The following KCP variants were observed in gnomAD, a reference collection of about 807,000 sequenced individuals.
The protein encoded by KCP is kielin cysteine rich BMP regulator.
A neutral mutation model predicts 212.7 loss-of-function variants in KCP; 194 were observed. The observed-to-expected ratio is 0.91, with a 90% CI of 0.81 to 1.03. The LOEUF (loss-of-function observed/expected upper bound fraction) is 1.03, where lower values mean the gene tolerates loss of function less well. Among genes scored for constraint, KCP ranks in the 50% least tolerant of loss-of-function variants. KCP has a pLI of 0.00. For synonymous variants in KCP, 833 were observed against 865.3 expected (o/e 0.96, Z 0.65); for missense variants, 2,080 against 2,162.5 (o/e 0.96, Z 0.76).
Position 128,890,900 on chromosome 7 carries a change from G to A in KCP, c.2164+5C>T. 1 of 1,249,198 alleles carries A rather than the reference G, an allele frequency of 8.0e-7. No homozygotes were observed. The highest frequency in any genetic ancestry group is 1.0e-6 in the Non-Finnish European group (1 of 1,002,018). 77.4% of individuals were successfully genotyped at this position (1,249,198 alleles called of 1,614,324 possible). A position where few individuals can be genotyped will look rare whatever the true frequency, so the allele number is the denominator to read the frequency against. On this transcript the variant is annotated splice_donor_5th_base_variant and intron_variant, in intron 20 of 39. Coordinates refer to ENST00000610776, the MANE Select transcript of KCP (RefSeq NM_001366122.1). ...TGGCCGGGAGGGGCACCGCCAGGGC[G>A]TTACCGTCGCAGGAGGGGCAGCAAG...
At chr7:128,888,668 CCACACATACACA>C (rs1310406090) in intron 22 of KCP, among the ~76,000 whole-genome samples, 183 bp downstream of exon 22, 19 of 151,292 alleles carry the variant, frequency 1.3e-4, no homozygotes, top group African/African-American at 4.4e-4. Context: ...ACACACAGAG[CCACACATACACA>C]CACACATACA....
At position 128,892,576 on chromosome 7, in the gene KCP, C is replaced by T; in HGVS notation, c.1559G>A (p.Cys520Tyr). The change falls in exon 16 of 40, where the codon TGC becomes TAC. Residue 520 changes from cysteine (C) to tyrosine (Y), a missense_variant. By Grantham distance (194) the Cys-to-Tyr change is radical. Transcript: ENST00000610776. ...GGGCCTGGCACAGGTCGTGGGAGGG[C>T]AGTCAACCAAGGAGCATGTCACAGT... ...DGTVTCSLVD[C>Y]PPTTCARPQS... 1 of 1,550,474 alleles carries T rather than the reference C, an allele frequency of 6.4e-7. No individual in the cohort carries two copies. The highest frequency in any genetic ancestry group is 8.7e-7 in the Non-Finnish European group (1 of 1,146,242).
chr7:128,886,617 T>C, intron 25 of KCP, 38 bp downstream of exon 25: 1 of 1,550,622 alleles, frequency 6.4e-7, no homozygotes, highest in Non-Finnish European at 8.7e-7. Context: ...GGTGCTATGG[T>C]CCAGCTGTCA....
intron 5 of KCP, among the ~76,000 whole-genome samples, chr7:128,905,176 G>C (rs927823207): frequency 6.6e-6 from 1 of 151,874 alleles, no homozygotes; most frequent in African/African-American, 2.4e-5. Context: ...CTCTCGGAGG[G>C]GCTTCCAGAT....
At chr7:128,904,290 G>A (rs773870320) in intron 5 of KCP, 152 bp from the exon 6 acceptor site, 54 of 1,552,532 alleles carry the variant, frequency 3.5e-5, no homozygotes, top group South Asian at 8.3e-5. Context: ...TCACCGGGCC[G>A]GCAGATGGGG....
chr7:128,885,150 C>A lies in KCP; in HGVS notation c.2987G>T (p.Ser996Ile). 1 of 1,550,836 alleles carries A rather than the reference C, an allele frequency of 6.4e-7. No homozygotes were observed. The highest frequency in any genetic ancestry group is 8.7e-7 in the Non-Finnish European group (1 of 1,147,006). ...CCCTTGGCGGGGCTGGGCGCAAGAG[C>A]TGATGCACTGGATGCGTGCACAGGT... Reference protein sequence around the residue: ...VVTCARIQCISSCAQPRQGPH... With the variant: ...VVTCARIQCIISCAQPRQGPH... The change falls in exon 27 of 40, where the codon AGC becomes ATC. Residue 996 changes from serine (S) to isoleucine (I), a missense_variant. Physicochemically the swap from Ser to Ile is moderately radical, Grantham distance 142 (BLOSUM62 -2). Transcript: ENST00000610776.
chr7:128,888,228 A>G (rs1362498073), intron 22 of KCP, among the ~76,000 whole-genome samples: 1 of 150,560 alleles, frequency 6.6e-6, no homozygotes. Context: ...ACACACAGAT[A>G]CACAGACACA....
Position 128,890,338 on chromosome 7 carries a change from C to G in KCP, c.2335+5G>C. ...CCCGGCAGCTCCCTATCCCATGACC[C>G]TCACCATCACAGTCAGGGCAGCAGT... is the stretch of plus-strand genomic sequence containing the variant. On this transcript the variant is annotated splice_donor_5th_base_variant and intron_variant, in intron 21 of 39. Transcript: ENST00000610776. The G allele has an allele frequency of 1.3e-6, 2 of 1,551,594 alleles. No individual in the cohort carries two copies. The highest frequency in any genetic ancestry group is 1.7e-6 in the Non-Finnish European group (2 of 1,147,002).
At chr7:128,888,327 AAC>A (rs760342030) in intron 22 of KCP, among the ~76,000 whole-genome samples, 3,665 of 106,436 alleles carry the variant, frequency 0.034, 163 homozygotes, top group African/African-American at 0.13. Context: ...CACACAGAGC[AAC>A]ACACACACAC....
At position 128,881,635 on chromosome 7, in the gene KCP, C is replaced by G. The variant is rs371249023; in HGVS notation, c.3415G>C (p.Val1139Leu). The G allele has an allele frequency of 6.7e-7, 1 of 1,496,830 alleles. No homozygotes were observed. The highest frequency in any genetic ancestry group is 2.9e-5 in the Admixed American group (1 of 34,842). 92.7% of individuals were successfully genotyped at this position (1,496,830 alleles called of 1,614,324 possible). A position where few individuals can be genotyped will look rare whatever the true frequency, so the allele number is the denominator to read the frequency against. Residue 1139 changes from valine to leucine, a missense_variant, in exon 31 of 40, where the codon GTA (valine) becomes CTA (leucine). Physicochemically the swap from Val to Leu is conservative, Grantham distance 32. Coordinates refer to ENST00000610776, the MANE Select transcript of KCP (RefSeq NM_001366122.1). Reference sequence around the variant, plus strand: ...AAGGCTGGGCACTTACCCCGGCATACGGGGCAGCAGCTCCCAGGGGGAGTG... The same window carrying G: ...AAGGCTGGGCACTTACCCCGGCATAGGGGGCAGCAGCTCCCAGGGGGAGTG... ...RHTPPGSCCP[V>L]CRECVVEAEG...
Position 128,891,453 on chromosome 7 carries a change from G to A in KCP, c.1876C>T (p.Leu626=). 6.4e-7 allele frequency: 1 copy of A among 1,550,490 alleles called. No individual in the cohort carries two copies. The highest frequency in any genetic ancestry group is 1.2e-5 in the South Asian group (1 of 84,046). ...PSDPCRLCRC[L]SGNVQCLARR... is the part of the protein sequence containing the mutation. ...CTCCCACCCAGGTGCAGACTCACCAGACAGCGACACAGACGGCAGGGGTCA... is the reference window on the plus strand; with the variant it reads ...CTCCCACCCAGGTGCAGACTCACCAAACAGCGACACAGACGGCAGGGGTCA... The change falls in exon 18 of 40, where the codon CTG becomes TTG. Residue 626 remains leucine, a splice_region_variant and synonymous_variant. Transcript: ENST00000610776.
Position 128,908,539 on chromosome 7 carries a change from G to C in KCP, c.106C>G (p.Gln36Glu). 3.2e-6 allele frequency: 5 copies of C among 1,551,432 alleles called. No homozygotes were observed. Among genetic ancestry groups the C allele is most frequent in the Non-Finnish European group, 4.4e-6 (5 of 1,146,838 alleles). Residue 36 changes from glutamine (Q) to glutamate (E), a missense_variant, in exon 2 of 40, where the codon CAG becomes GAG. Gln to Glu is a conservative substitution (Grantham distance 29, BLOSUM62 2). Coordinates refer to ENST00000610776, the MANE Select transcript of KCP (RefSeq NM_001366122.1). ...ACTGAGGAATGGGCAGTTGTCTGCT[G>C]CCCAGGGGGCTCCCTGGGGACAGCC... ...GGAVPREPPGQQTTAHSSVLA... is the reference protein window; with the variant it reads ...GGAVPREPPGEQTTAHSSVLA...
chr7:128,886,310 T>C (rs576555108), intron 26 of KCP, among the ~76,000 whole-genome samples, 154 bp downstream of exon 26: 2 of 146,478 alleles, frequency 1.4e-5, no homozygotes, highest in African/African-American at 2.6e-5. Context: ...CAGGGAGAGG[T>C]AGGAGAAGCT....
At chr7:128,910,525 G>T in intron 1 of KCP, 76 bp downstream of exon 1, 1 of 1,334,218 alleles carries the variant, frequency 7.5e-7, no homozygotes, top group Non-Finnish European at 1.0e-6. Flanking sequence ...AGCCCCTCTC[G>T]GCCCCCTCAG....
In KCP at chr7:128,908,338, C is replaced by A. The variant is rs149868192; in HGVS notation, c.219+88G>T. 1.8e-4 allele frequency: 231 copies of A among 1,256,402 alleles called. 1 individual carries two copies. The African/African-American group carries it at 2.8e-3, about 15-fold the overall frequency. 77.8% of individuals were successfully genotyped at this position (1,256,402 alleles called of 1,614,324 possible). A position where few individuals can be genotyped will look rare whatever the true frequency, so the allele number is the denominator to read the frequency against. On this transcript the variant is annotated intron_variant, in intron 2 of 39. Transcript: ENST00000610776. ...GTTCAGATAAGAGCTCTATTTTAGG[C>A]TCCCCCCTCCAAGCCTAACTCCTTC...
chr7:128,878,076 GAC>G, intron 38 of KCP, among the ~76,000 whole-genome samples: 2 of 138,858 alleles, frequency 1.4e-5, no homozygotes, highest in Admixed American at 1.5e-4. Context: ...TTTTTTTTGA[GAC>G]AGAATTTTGC....
At chr7:128,881,151 T>C in intron 31 of KCP, 66 bp from the exon 32 acceptor site, 1 of 398,976 alleles carries the variant, frequency 2.5e-6, no homozygotes, top group Non-Finnish European at 4.4e-6. Flanking sequence ...CCTTGGAGCT[T>C]ACCCAGCATT....
intron 7 of KCP, 43 bp from the exon 8 acceptor site, chr7:128,902,902 G>A (rs1473335681): frequency 1.2e-5 from 17 of 1,462,084 alleles, no homozygotes; most frequent in Non-Finnish European, 1.4e-5. Flanking sequence ...GGTGGGAGCT[G>A]GCCTGGACCC....
chr7:128,889,103 T>C (rs1793925476), intron 21 of KCP, 64 bp from the exon 22 acceptor site: 1 of 1,308,804 alleles, frequency 7.6e-7, no homozygotes, highest in Non-Finnish European at 1.0e-6. Flanking sequence ...GCAGTGGTCA[T>C]AGGCTCTGAG....
Sources: gnomAD v4.1 joint callset for allele counts (sites outside exome capture counted in the v4.1 genomes callset) on GRCh38, gnomAD v4.1.1 for gene constraint, MANE v1.5 for transcripts, NCBI Gene and HGNC (gene_info 2026-07-23, HGNC 2026-07-21) for gene names.